SMAD1: variants seen among roughly 807,000 people sequenced by gnomAD.
SMAD1 encodes MAD, mothers against decapentaplegic homolog 1.
A neutral mutation model predicts 41.6 loss-of-function variants in SMAD1; 6 were observed. The observed-to-expected ratio is 0.14, with a 90% CI of 0.08 to 0.28. SMAD1 has a LOEUF of 0.28. Among genes scored for constraint, SMAD1 ranks in the 10% least tolerant of loss-of-function variants. The pLI is 1.00. For synonymous variants in SMAD1, 206 were observed against 203.2 expected, an observed-to-expected ratio of 1.01 and a Z score of -0.12; for missense variants, 379 against 582.6, an observed-to-expected ratio of 0.65 and a Z score of 3.60.
chr4:145,539,511 C>T (rs534425081), intron 2 of SMAD1, among the ~76,000 whole-genome samples: 4 of 152,236 alleles, frequency 2.6e-5, no homozygotes, highest in Admixed American at 6.5e-5. Flanking sequence ...AATGAGGGAA[C>T]CTTAACATTT....
intron 1 of SMAD1, among the ~76,000 whole-genome samples, chr4:145,508,741 A>G (rs1729921699): frequency 6.6e-6 from 1 of 152,200 alleles, no homozygotes; most frequent in African/African-American, 2.4e-5. Context: ...TGAGTGGCTT[A>G]TAAACAACAG....
At chr4:145,536,142 A>G (rs751228669) in intron 2 of SMAD1, among the ~76,000 whole-genome samples, 2 of 152,130 alleles carry the variant, frequency 1.3e-5, no homozygotes, top group African/African-American at 2.4e-5. Context: ...ATAAGGAGAT[A>G]CAGATAGGAA....
chr4:145,517,564 A>G (rs139542103), intron 2 of SMAD1, among the ~76,000 whole-genome samples: 104 of 152,304 alleles, frequency 6.8e-4, no homozygotes, highest in African/African-American at 2.2e-3. Context: ...GACTATGTGT[A>G]TAATTAACAT....
At chr4:145,509,461 C>T (rs1046206535) in intron 1 of SMAD1, among the ~76,000 whole-genome samples, 1 of 151,968 alleles carries the variant, frequency 6.6e-6, no homozygotes, top group Non-Finnish European at 1.5e-5. Flanking sequence ...AAATAAATAC[C>T]CCCAAGTGAT....
chr4:145,511,227 T>C (rs1730058561), intron 1 of SMAD1, among the ~76,000 whole-genome samples: 1 of 152,188 alleles, frequency 6.6e-6, no homozygotes, highest in South Asian at 2.1e-4. Context: ...CTATTTTCTG[T>C]TTGTCTCATC....
At chr4:145,511,862 A>G (rs538996726) in intron 1 of SMAD1, among the ~76,000 whole-genome samples, 1 of 152,234 alleles carries the variant, frequency 6.6e-6, no homozygotes, top group South Asian at 2.1e-4. Context: ...GCTCTTCCTC[A>G]TTTCCTGCAG....
At chr4:145,537,571 T>G (rs1010082226) in intron 2 of SMAD1, among the ~76,000 whole-genome samples, 3 of 150,942 alleles carry the variant, frequency 2.0e-5, no homozygotes, top group Middle Eastern at 3.4e-3. Context: ...ATTGAGTTGG[T>G]TTTTTTTCCC....
intron 6 of SMAD1, among the ~76,000 whole-genome samples, chr4:145,556,082 C>T (rs910642307): frequency 1.3e-5 from 2 of 152,158 alleles, no homozygotes; most frequent in Non-Finnish European, 2.9e-5. Flanking sequence ...GAAATTAGAA[C>T]ATTTTACTAA....
intron 3 of SMAD1, among the ~76,000 whole-genome samples, chr4:145,540,422 T>G (rs1263745716): frequency 6.6e-6 from 1 of 152,250 alleles, no homozygotes; most frequent in Non-Finnish European, 1.5e-5. Context: ...ACAACCTCAA[T>G]CAGCATCGTT....
rs925902031 is a variant in SMAD1 at position 145,553,953 on chromosome 4, T to G, written c.1167T>G (p.Ala389=). The G allele has an allele frequency of 2.5e-6, 4 of 1,613,938 alleles. No individual in the cohort carries two copies. Among genetic ancestry groups the G allele is most frequent in the Admixed American group, 1.7e-5 (1 of 60,002 alleles). Residue 389 remains alanine, a synonymous_variant, in exon 6 of 7, where the codon GCT becomes GCG. Transcript: ENST00000302085. ...SLKIFNNQEF[A]QLLAQSVNHG... ...AAATTTTTAACAACCAAGAATTTGC[T>G]CAGTTATTGGCACAGTCTGTGAACC...
chr4:145,546,640 G>A (rs1393380322), intron 4 of SMAD1, 63 bp from the exon 5 acceptor site: 9 of 1,148,798 alleles, frequency 7.8e-6, no homozygotes, highest in East Asian at 4.7e-5. Context: ...TCAACAACAC[G>A]GTTTCAGTTT....
intron 1 of SMAD1, among the ~76,000 whole-genome samples, chr4:145,487,767 T>C (rs1728553091): frequency 1.3e-5 from 2 of 152,226 alleles, no homozygotes; most frequent in Non-Finnish European, 1.5e-5. Flanking sequence ...GGTGCAGGGC[T>C]AGTCCTATAT....
chr4:145,525,435 G>T (rs945798139), intron 2 of SMAD1, among the ~76,000 whole-genome samples: 4 of 152,240 alleles, frequency 2.6e-5, no homozygotes, highest in African/African-American at 9.6e-5. Context: ...TGGAGCAGCT[G>T]TAGGGTGGAT....
chr4:145,535,326 C>T (rs985499495), intron 2 of SMAD1, among the ~76,000 whole-genome samples: 2 of 152,138 alleles, frequency 1.3e-5, no homozygotes, highest in African/African-American at 4.8e-5. Flanking sequence ...CCAGCATTTC[C>T]ACATCTAGGA....
At chr4:145,486,381 G>C (rs1220962837) in intron 1 of SMAD1, among the ~76,000 whole-genome samples, 3 of 152,178 alleles carry the variant, frequency 2.0e-5, no homozygotes, top group African/African-American at 7.2e-5. Context: ...TAGTAATTCA[G>C]TTTGTCTGTC....
chr4:145,481,911 C>A lies in SMAD1; in HGVS notation c.-304C>A, dbSNP rs1398328697. 1 of 152,838 alleles carries A rather than the reference C, an allele frequency of 6.5e-6. No individual in the cohort carries two copies. The highest frequency in any genetic ancestry group is 1.9e-4 in the East Asian group (1 of 5,192). The allele number at this position is 152,838 out of a possible 1,614,324, so 9.5% of individuals were successfully genotyped here. A position where few individuals can be genotyped will look rare whatever the true frequency, so the allele number is the denominator to read the frequency against. ...GCGGGCGGAGAAAGGAGAGGCCGAGCGGCTCAACCCGGGCCGAGGCTCGGG... is the reference window on the plus strand; with the variant it reads ...GCGGGCGGAGAAAGGAGAGGCCGAGAGGCTCAACCCGGGCCGAGGCTCGGG... On this transcript the variant is annotated 5_prime_UTR_variant, in exon 1 of 7. Coordinates refer to ENST00000302085, the MANE Select transcript of SMAD1 (RefSeq NM_005900.3).
intron 1 of SMAD1, among the ~76,000 whole-genome samples, chr4:145,505,122 T>G (rs1043179792): frequency 6.6e-6 from 1 of 152,208 alleles, no homozygotes; most frequent in Non-Finnish European, 1.5e-5. Flanking sequence ...ACAGTTGACT[T>G]GAGTACCTAA....
chr4:145,552,811 T>C (rs1732622911), intron 5 of SMAD1, among the ~76,000 whole-genome samples: 1 of 152,216 alleles, frequency 6.6e-6, no homozygotes, highest in African/African-American at 2.4e-5. Flanking sequence ...GGTTTTATTA[T>C]GCTATCTTTT....
At chr4:145,487,564 C>G (rs944911271) in intron 1 of SMAD1, among the ~76,000 whole-genome samples, 2 of 152,076 alleles carry the variant, frequency 1.3e-5, no homozygotes, top group South Asian at 2.1e-4. Context: ...AATATTCAGT[C>G]TAATCTGTTG....
Sources: gnomAD v4.1 joint callset for allele counts (sites outside exome capture counted in the v4.1 genomes callset) on GRCh38, gnomAD v4.1.1 for gene constraint, MANE v1.5 for transcripts, NCBI Gene and HGNC (gene_info 2026-07-23, HGNC 2026-07-21) for gene names.